Variants in INVS observed in about 807,000 individuals in gnomAD.
INVS encodes inversion of embryo turning homolog.
Under a neutral mutation model 108.8 loss-of-function variants are expected in INVS, and 86 were observed. The observed-to-expected ratio is 0.79, with a 90% CI of 0.66 to 0.95. The LOEUF (loss-of-function observed/expected upper bound fraction) is 0.95, where lower values mean the gene tolerates loss of function less well. INVS is among the 40% of genes least tolerant of loss of function. The pLI, the probability that INVS is intolerant of heterozygous loss-of-function variation, is 0.00. For missense variants in INVS, 1,169 were observed against 1,297.4 expected (o/e 0.90, Z 1.52); for synonymous variants, 455 against 473.5 (o/e 0.96, Z 0.51).
At chr9:100,266,549 G>A (rs1173169088) in intron 11 of INVS, among the ~76,000 whole-genome samples, 3 of 152,114 alleles carry the variant, frequency 2.0e-5, no homozygotes, top group South Asian at 2.1e-4. Flanking sequence ...GGTCACTCTC[G>A]TCTCCATCTT....
intron 12 of INVS, among the ~76,000 whole-genome samples, chr9:100,281,692 C>T (rs1315605699): frequency 1.3e-5 from 2 of 152,074 alleles, no homozygotes; most frequent in Non-Finnish European, 2.9e-5. Flanking sequence ...TGCATTCTGT[C>T]TCCTAATTCT....
Position 100,292,961 on chromosome 9 carries a change from A to G in INVS, c.2704A>G (p.Ile902Val). The change falls in exon 14 of 17, where the codon ATA becomes GTA. Residue 902 changes from isoleucine to valine, a missense_variant. Ile to Val is a conservative substitution (Grantham distance 29). Transcript: ENST00000262457. The part of the protein sequence containing the change: ...DLLPVELRLQ[I>V]IQRERRRKEL... ...TCTCCCCGTAGAGCTCCGACTGCAGATAATTCAGAGAGAACGAAGGAGGAA... is the reference window on the plus strand; with the variant it reads ...TCTCCCCGTAGAGCTCCGACTGCAGGTAATTCAGAGAGAACGAAGGAGGAA... 6.2e-7 allele frequency: 1 copy of G among 1,613,190 alleles called. No homozygotes were observed. Among genetic ancestry groups the G allele is most frequent in the Non-Finnish European group, 8.5e-7 (1 of 1,179,154 alleles).
rs755281006 is a variant in INVS at position 100,301,127 on chromosome 9, G to C, written c.*453G>C. 4.9e-6 allele frequency: 1 copy of C among 203,138 alleles called. No homozygotes were observed. The highest frequency in any genetic ancestry group is 9.4e-6 in the Non-Finnish European group (1 of 106,426). The allele number at this position is 203,138 out of a possible 1,614,324, so 12.6% of individuals were successfully genotyped here. A position where few individuals can be genotyped will look rare whatever the true frequency, so the allele number is the denominator to read the frequency against. ...TCTCACTACTTTCCTGGCATCTAATGCAACAAACTTATCACACACACACAC... is the reference window on the plus strand; with the variant it reads ...TCTCACTACTTTCCTGGCATCTAATCCAACAAACTTATCACACACACACAC... On this transcript the variant is annotated 3_prime_UTR_variant, in exon 17 of 17. Coordinates refer to ENST00000262457, the MANE Select transcript of INVS (RefSeq NM_014425.5).
chr9:100,189,656 A>G (rs533725616), intron 3 of INVS, among the ~76,000 whole-genome samples: 1 of 152,184 alleles, frequency 6.6e-6, no homozygotes. Context: ...TTAAAAATTT[A>G]GTGAGACTTA....
Position 100,101,435 on chromosome 9 carries a change from T to C in INVS, c.-25+2019T>C, listed in dbSNP as rs1428444988. 2.6e-5 allele frequency: 4 copies of C among 152,050 alleles called. No homozygotes were observed. The South Asian group carries it at 8.3e-4, about 32-fold the overall frequency. 9.4% of individuals were successfully genotyped at this position (152,050 alleles called of 1,614,324 possible). A position where few individuals can be genotyped will look rare whatever the true frequency, so the allele number is the denominator to read the frequency against. On this transcript the variant is annotated intron_variant, in intron 1 of 16. Transcript: ENST00000262457. ...TTTTGTAGCTTCTCTCAAATAACCT[T>C]AATATAATCCTGGATATGACAGTAG... is the stretch of plus-strand genomic sequence containing the variant.
intron 10 of INVS, 115 bp downstream of exon 10, chr9:100,253,251 CATCT>C: frequency 1.3e-6 from 1 of 765,432 alleles, no homozygotes; most frequent in Non-Finnish European, 2.2e-6. Flanking sequence ...CCCACAAATC[CATCT>C]GTTAATCATG....
chr9:100,100,606 TATATATA>T, intron 1 of INVS, among the ~76,000 whole-genome samples: 1 of 91,330 alleles, frequency 1.1e-5, no homozygotes, highest in South Asian at 2.6e-4. Context: ...GTACATATAA[TATATATA>T]ATATATGTAT....
In INVS at chr9:100,111,633, C is replaced by G. The variant is rs537235413; in HGVS notation, c.106+7006C>G. 1.8e-3 allele frequency among the ~76,000 whole-genome samples: 268 copies of G among 152,322 alleles called. 2 individuals are homozygous for G. The highest frequency in any genetic ancestry group is 6.1e-3 in the African/African-American group (253 of 41,566). ...AGGAATGCAAATTTAAATGCACTGC[C>G]ATCCAGTGAATATTAGTTTACATCA... On this transcript the variant is annotated intron_variant, in intron 2 of 16. Transcript: ENST00000262457.
intron 3 of INVS, chr9:100,175,435 G>A: frequency 1.1e-6 from 1 of 908,388 alleles, no homozygotes; most frequent in Non-Finnish European, 1.8e-6. Flanking sequence ...CAGATGACCA[G>A]AACTGTGTTC....
chr9:100,149,979 A>G (rs1452556262), intron 3 of INVS, among the ~76,000 whole-genome samples: 1 of 152,178 alleles, frequency 6.6e-6, no homozygotes, highest in Non-Finnish European at 1.5e-5. Flanking sequence ...ATACTGCTGC[A>G]CTGGGAGAAA....
chr9:100,267,019 TAAAA>T (rs11415703), intron 11 of INVS, among the ~76,000 whole-genome samples: 1 of 93,124 alleles, frequency 1.1e-5, no homozygotes, highest in Non-Finnish European at 2.0e-5. Context: ...TTTGAAACTC[TAAAA>T]AAAAAAAAAA....
chr9:100,240,333 G>A (rs909393352), intron 6 of INVS, 93 bp downstream of exon 6: 16 of 900,042 alleles, frequency 1.8e-5, no homozygotes, highest in Non-Finnish European at 2.6e-5. Context: ...CCAACTCCTA[G>A]TTAATTATTT....
chr9:100,176,640 C>G (rs1206164575), intron 3 of INVS, among the ~76,000 whole-genome samples: 2 of 151,992 alleles, frequency 1.3e-5, no homozygotes, highest in East Asian at 1.9e-4. Context: ...CCACACCCAG[C>G]TATTTTGTTG....
At chr9:100,144,391 G>A (rs1016706338) in intron 3 of INVS, among the ~76,000 whole-genome samples, 1 of 152,160 alleles carries the variant, frequency 6.6e-6, no homozygotes, top group African/African-American at 2.4e-5. Flanking sequence ...AGCTGACTGG[G>A]TAATCAAATG....
chr9:100,284,856 AGAGTG>A (rs1195396631), intron 13 of INVS, among the ~76,000 whole-genome samples: 1 of 151,660 alleles, frequency 6.6e-6, no homozygotes, highest in Non-Finnish European at 1.5e-5. Context: ...TTTCTTTTTT[AGAGTG>A]AAGTGTGAAA....
rs1828341946 is a variant in INVS at position 100,139,256 on chromosome 9, A to T, written c.273+12707A>T. On this transcript the variant is annotated intron_variant, in intron 3 of 16. Coordinates refer to ENST00000262457, the MANE Select transcript of INVS (RefSeq NM_014425.5). The stretch of plus-strand genomic sequence containing the variant: ...TATATTGACCACTTGTTCATTTCAG[A>T]ATTTTCTCTGGACTTTGATACTGCA... Among the ~76,000 whole-genome samples the T allele has an allele frequency of 2.0e-5, 3 of 152,118 alleles. No homozygotes were observed. The South Asian group carries it at 6.2e-4, about 32-fold the overall frequency.
intron 2 of INVS, chr9:100,117,141 CG>C: frequency 8.0e-7 from 1 of 1,249,016 alleles, no homozygotes; most frequent in Non-Finnish European, 1.1e-6. Context: ...CCTCTGTGCA[CG>C]GGGACAATGG....
chr9:100,205,142 A>C (rs1052758389), intron 3 of INVS, among the ~76,000 whole-genome samples: 3 of 152,142 alleles, frequency 2.0e-5, no homozygotes, highest in African/African-American at 7.2e-5. Context: ...TGATTGGTGT[A>C]TGGGGGTTCA....
chr9:100,272,434 A>T (rs978704070), intron 11 of INVS, among the ~76,000 whole-genome samples: 1 of 152,144 alleles, frequency 6.6e-6, no homozygotes, highest in Non-Finnish European at 1.5e-5. Context: ...CATATACTGA[A>T]TTTCTCCTTT....
Sources: allele counts gnomAD v4.1 joint callset (sites outside exome capture counted in the v4.1 genomes callset), GRCh38; gene constraint gnomAD v4.1.1; transcripts MANE v1.5; gene names NCBI Gene and HGNC (gene_info 2026-07-23, HGNC 2026-07-21).